Variants in DAB1 observed in about 807,000 individuals in gnomAD.
DAB1 encodes disabled homolog 1.
Under a neutral mutation model 64.6 loss-of-function variants are expected in DAB1, and 15 were observed. That is an observed-to-expected ratio of 0.23 (90% CI 0.16 to 0.36). DAB1 has a LOEUF of 0.36. Ranked by LOEUF, DAB1 falls within the 10% of genes least tolerant of loss-of-function variation. DAB1 has a pLI of 1.00. For missense variants in DAB1, 596 were observed against 706.7 expected (o/e 0.84, Z 1.78); for synonymous variants, 235 against 251.9 (o/e 0.93, Z 0.64).
At chr1:57,360,690 A>G (rs548745576) in intron 1 of DAB1, among the ~76,000 whole-genome samples, 1 of 152,256 alleles carries the variant, frequency 6.6e-6, no homozygotes, top group African/African-American at 2.4e-5. Context: ...TCACTTTGGA[A>G]ACACATTGTA....
At chr1:58,424,220 A>G (rs1041124744) in intron 3 of DAB1, among the ~76,000 whole-genome samples, 1 of 152,232 alleles carries the variant, frequency 6.6e-6, no homozygotes, top group Non-Finnish European at 1.5e-5. Flanking sequence ...GCAGTCAGGA[A>G]GGAAGAGTTT....
intron 5 of DAB1, among the ~76,000 whole-genome samples, chr1:58,140,659 T>G (rs139955508): frequency 6.6e-6 from 1 of 152,132 alleles, no homozygotes; most frequent in African/African-American, 2.4e-5. Context: ...TATGAGTCCA[T>G]GAAAGTAGTA....
chr1:58,486,001 T>G (rs1282185795), intron 3 of DAB1, among the ~76,000 whole-genome samples: 1 of 152,198 alleles, frequency 6.6e-6, no homozygotes, highest in East Asian at 1.9e-4. Context: ...AATATAGAAT[T>G]AGCCAGCCTA....
intron 3 of DAB1, among the ~76,000 whole-genome samples, chr1:58,458,248 A>G (rs1645210043): frequency 6.6e-6 from 1 of 152,208 alleles, no homozygotes; most frequent in Admixed American, 6.5e-5. Flanking sequence ...TCAGACCGAC[A>G]GAACAGTCCC....
chr1:57,410,108 A>G (rs772778507), intron 1 of DAB1, among the ~76,000 whole-genome samples: 2 of 152,210 alleles, frequency 1.3e-5, no homozygotes, highest in Non-Finnish European at 2.9e-5. Context: ...AGGAAGAATG[A>G]AAGGACAGGA....
rs550958331 is a variant in DAB1, at chr1:57,932,904, A to G, written n.388-48742T>C. Among the ~76,000 whole-genome samples, 10 of 152,316 alleles carry G rather than the reference A, an allele frequency of 6.6e-5. No homozygotes were observed. In the South Asian group the frequency reaches 2.1e-3, roughly 32 times the overall value. On this transcript the variant is annotated intron_variant and non_coding_transcript_variant, in intron 5 of 20. Transcript: ENST00000485760. ...TTGAGTATTTTCCTTTCCCCAGGTC[A>G]GTTAGGCTCTCATAAAACCCCATGT... is the stretch of plus-strand genomic sequence containing the variant.
chr1:58,476,308 T>C (rs1645418467), intron 3 of DAB1, among the ~76,000 whole-genome samples: 1 of 152,130 alleles, frequency 6.6e-6, no homozygotes, highest in African/African-American at 2.4e-5. Context: ...TTTGATGATA[T>C]CAGAGACATC....
At chr1:57,908,204 C>T (rs1644586459) in intron 5 of DAB1, among the ~76,000 whole-genome samples, 1 of 152,088 alleles carries the variant, frequency 6.6e-6, no homozygotes, top group South Asian at 2.1e-4. Flanking sequence ...GCCCAGGGCC[C>T]AGGTCCCCAG....
At chr1:58,054,052 T>C (rs1364299556) in intron 5 of DAB1, among the ~76,000 whole-genome samples, 1 of 152,246 alleles carries the variant, frequency 6.6e-6, no homozygotes, top group Non-Finnish European at 1.5e-5. Flanking sequence ...GGCTTTCTTT[T>C]TGTTGAACAC....
At chr1:57,701,630 A>T (rs1451415577) in intron 6 of DAB1, among the ~76,000 whole-genome samples, 1 of 152,076 alleles carries the variant, frequency 6.6e-6, no homozygotes, top group Non-Finnish European at 1.5e-5. Context: ...CCAACATGGC[A>T]CATGTATACA....
intron 2 of DAB1, among the ~76,000 whole-genome samples, chr1:57,257,364 C>T (rs909603180): frequency 2.0e-5 from 3 of 152,218 alleles, no homozygotes; most frequent in Admixed American, 1.3e-4. Context: ...TTCTGCCATG[C>T]TAACTGCAGC....
intron 1 of DAB1, among the ~76,000 whole-genome samples, chr1:57,315,696 G>T (rs911023199): frequency 3.3e-5 from 5 of 152,120 alleles, no homozygotes; most frequent in African/African-American, 9.7e-5. Flanking sequence ...TAGAGACGGG[G>T]TCTCACCATG....
At chr1:57,841,529 C>T (rs757001816) in intron 1 of DAB1, among the ~76,000 whole-genome samples, 1 of 152,164 alleles carries the variant, frequency 6.6e-6, no homozygotes, top group Non-Finnish European at 1.5e-5. Context: ...CATCTTGAGG[C>T]AAAGGCTCCT....
chr1:58,531,368 G>T (rs998102113), intron 1 of DAB1, among the ~76,000 whole-genome samples: 2 of 152,124 alleles, frequency 1.3e-5, no homozygotes, highest in Admixed American at 6.5e-5. Flanking sequence ...TATTTATCAT[G>T]AAAGAATCAG....
intron 1 of DAB1, among the ~76,000 whole-genome samples, chr1:57,412,577 T>C (rs1159366213): frequency 6.6e-6 from 1 of 152,182 alleles, no homozygotes; most frequent in Non-Finnish European, 1.5e-5. Context: ...AAGAGAAATA[T>C]CCTGATAGTG....
rs527308797 is a variant in DAB1 at position 57,633,536 on chromosome 1, G to T, written n.625+16056C>A. ...CTGGAAAGGTGTTTGAATAAGCTTTGTGCTGGGAAGGGAGGGACAGAGTGG... is the reference window on the plus strand; with the variant it reads ...CTGGAAAGGTGTTTGAATAAGCTTTTTGCTGGGAAGGGAGGGACAGAGTGG... On this transcript the variant is annotated intron_variant and non_coding_transcript_variant, in intron 7 of 20. Transcript: ENST00000485760. Among the ~76,000 whole-genome samples, 166 of 152,316 alleles carry T rather than the reference G, an allele frequency of 1.1e-3. 1 individual carries two copies. The highest frequency in any genetic ancestry group is 3.8e-3 in the African/African-American group (157 of 41,564).
chr1:58,329,160 T>C (rs1414459377), intron 4 of DAB1, among the ~76,000 whole-genome samples: 1 of 152,220 alleles, frequency 6.6e-6, no homozygotes, highest in African/African-American at 2.4e-5. Flanking sequence ...AAAATGTAGA[T>C]AAGCAAAGGA....
intron 3 of DAB1, among the ~76,000 whole-genome samples, chr1:58,395,736 A>G (rs1407364824): frequency 6.6e-6 from 1 of 152,210 alleles, no homozygotes; most frequent in Non-Finnish European, 1.5e-5. Flanking sequence ...TAGTCTGTTC[A>G]TTTGACAAAC....
At position 57,015,025 on chromosome 1, in the gene DAB1, G is replaced by A; in HGVS notation, c.1302C>T (p.Pro434=). 2 of 1,614,014 alleles carry A rather than the reference G, an allele frequency of 1.2e-6. No homozygotes were observed. The highest frequency in any genetic ancestry group is 1.7e-6 in the Non-Finnish European group (2 of 1,179,892). ...PPVPSRKPDQ[P]SLTCTSEAFS... is the part of the protein sequence containing the mutation. ...AGGCCTCTGAGGTACAGGTGAGGGA[G>A]GGCTGGTCGGGTTTGCGGGAGGGCA... The change falls in exon 12 of 15, where the codon CCC becomes CCT. Residue 434 remains proline, a synonymous_variant. Transcript: ENST00000371236.
Sources: allele counts gnomAD v4.1 joint callset (sites outside exome capture counted in the v4.1 genomes callset), GRCh38; gene constraint gnomAD v4.1.1; transcripts MANE v1.5; gene names NCBI Gene and HGNC (gene_info 2026-07-23, HGNC 2026-07-21).